The following FAF1 variants were observed in gnomAD, a reference collection of about 807,000 sequenced individuals.
The protein encoded by FAF1 is Fas associated factor 1, also known as FAS-associated factor 1.
Under a neutral mutation model 92.5 loss-of-function variants are expected in FAF1, and 25 were observed. The observed-to-expected ratio is 0.27, with a 90% CI of 0.20 to 0.38. The LOEUF is 0.38. FAF1 is among the 10% of genes least tolerant of loss of function. The pLI is 1.00. For missense variants in FAF1, 636 were observed against 793.3 expected (o/e 0.80, Z 2.38); for synonymous variants, 234 against 273.2 (o/e 0.86, Z 1.42).
chr1:50,844,006 A>C (rs923637289), intron 2 of FAF1, among the ~76,000 whole-genome samples: 4 of 152,150 alleles, frequency 2.6e-5, no homozygotes, highest in Non-Finnish European at 5.9e-5. Flanking sequence ...AACAGGGTTC[A>C]AGTGTTCCCC....
chr1:50,663,998 CTTTTTTTTTT>C (rs555597172), intron 7 of FAF1, among the ~76,000 whole-genome samples: 1 of 128,768 alleles, frequency 7.8e-6, no homozygotes, highest in Non-Finnish European at 1.6e-5. Context: ...ATCTGTTAAT[CTTTTTTTTTT>C]TTTTTTTTTA....
rs1403550926 is a variant in FAF1 at position 50,692,241 on chromosome 1, C to CTCTGTG, written c.657+13544_657+13545insCACAGA. ...ACATATCCAGCACTTGAAGTATTTA[C>CTCTGTG]TGTGTGTGTGTGTGTGTGTGTGTGT... On this transcript the variant is annotated intron_variant, in intron 7 of 18. Transcript: ENST00000396153. Among the ~76,000 whole-genome samples, 194 of 129,080 alleles carry CTCTGTG rather than the reference C, an allele frequency of 1.5e-3. 1 individual carries two copies. The highest frequency in any genetic ancestry group is 5.2e-3 in the African/African-American group (179 of 34,696). 84.7% of individuals were successfully genotyped at this position (129,080 alleles called of 152,430 possible).
chr1:50,459,337 C>T (rs1646396931), intron 18 of FAF1, among the ~76,000 whole-genome samples: 1 of 152,150 alleles, frequency 6.6e-6, no homozygotes, highest in Admixed American at 6.5e-5. Context: ...CAAATCTGCT[C>T]CAGTCACTGC....
chr1:50,717,883 T>G (rs1658241572), intron 6 of FAF1, among the ~76,000 whole-genome samples: 1 of 152,166 alleles, frequency 6.6e-6, no homozygotes, highest in Non-Finnish European at 1.5e-5. Context: ...ATATGAATTA[T>G]AACTCCATAA....
intron 8 of FAF1, among the ~76,000 whole-genome samples, chr1:50,653,731 C>T (rs985676234): frequency 3.9e-5 from 6 of 152,008 alleles, no homozygotes; most frequent in African/African-American, 9.7e-5. Context: ...CCGGGTGTGG[C>T]GGCAGGCGCC....
chr1:50,646,418 C>T (rs1169080880), intron 8 of FAF1, among the ~76,000 whole-genome samples: 6 of 152,278 alleles, frequency 3.9e-5, no homozygotes, highest in Admixed American at 3.3e-4. Context: ...TCATACAAAT[C>T]GATCCTTTAG....
At chr1:50,757,731 A>T (rs537196194) in intron 4 of FAF1, among the ~76,000 whole-genome samples, 1 of 152,158 alleles carries the variant, frequency 6.6e-6, no homozygotes, top group East Asian at 1.9e-4. Flanking sequence ...ATAACATGAG[A>T]TCATTTATAT....
At chr1:50,554,390 T>TAGAGAGAGAGAGAG (rs34360366) in intron 13 of FAF1, among the ~76,000 whole-genome samples, 39 of 93,620 alleles carry the variant, frequency 4.2e-4, no homozygotes, top group African/African-American at 5.2e-4. Flanking sequence ...TATATATATA[T>TAGAGAGAGAGAGAG]AGAGAGAGAG....
chr1:50,875,475 CAG>C (rs1330954559), intron 1 of FAF1, among the ~76,000 whole-genome samples: 1 of 151,770 alleles, frequency 6.6e-6, no homozygotes, highest in Non-Finnish European at 1.5e-5. Context: ...TTTTCTGAGA[CAG>C]GGTCTTACTC....
chr1:50,923,452 A>G (rs530396759), intron 1 of FAF1, among the ~76,000 whole-genome samples: 10 of 152,248 alleles, frequency 6.6e-5, no homozygotes, highest in Admixed American at 1.3e-4. Flanking sequence ...AAACTTCCAA[A>G]AAAGAGAAGC....
intron 7 of FAF1, among the ~76,000 whole-genome samples, chr1:50,692,171 G>A (rs1314847310): frequency 2.6e-5 from 4 of 151,688 alleles, no homozygotes; most frequent in Non-Finnish European, 2.9e-5. Flanking sequence ...AGCCTTGATT[G>A]TGCCACTGCA....
At chr1:50,759,153 T>A (rs538985414) in intron 4 of FAF1, among the ~76,000 whole-genome samples, 58 of 152,278 alleles carry the variant, frequency 3.8e-4, no homozygotes, top group East Asian at 3.7e-3. Flanking sequence ...TTAATTTTTT[T>A]AAAATTATTA....
intron 2 of FAF1, among the ~76,000 whole-genome samples, chr1:50,801,997 G>C (rs1662009468): frequency 6.6e-6 from 1 of 152,058 alleles, no homozygotes; most frequent in Admixed American, 6.5e-5. Context: ...GGAAAAATCA[G>C]TAACTTCATC....
intron 2 of FAF1, among the ~76,000 whole-genome samples, chr1:50,856,374 C>T (rs532050838): frequency 6.1e-4 from 93 of 151,900 alleles, no homozygotes; most frequent in African/African-American, 2.1e-3. Flanking sequence ...AGCATCGTTT[C>T]GATTAAGCCA....
chr1:50,776,679 C>CAA (rs111677187), intron 4 of FAF1, among the ~76,000 whole-genome samples: 6 of 139,990 alleles, frequency 4.3e-5, no homozygotes, highest in East Asian at 4.1e-4. Flanking sequence ...TTTCTTAAAA[C>CAA]AAAAAAAAAA....
At position 50,689,355 on chromosome 1, in the gene FAF1, C is replaced by T. The variant is rs191577953; in HGVS notation, c.657+16431G>A. On this transcript the variant is annotated intron_variant, in intron 7 of 18. Coordinates refer to ENST00000396153, the MANE Select transcript of FAF1 (RefSeq NM_007051.3). Reference sequence around the variant, plus strand: ...ATCCCAGCACTTTCAGAGGCCGAGGCGGGTGGATCACGAGGTCAGGAGATA... The same window carrying T: ...ATCCCAGCACTTTCAGAGGCCGAGGTGGGTGGATCACGAGGTCAGGAGATA... Among the ~76,000 whole-genome samples the T allele has an allele frequency of 2.4e-3, 368 of 152,164 alleles. 2 individuals are homozygous for T. The highest frequency in any genetic ancestry group is 4.4e-3 in the Non-Finnish European group (302 of 68,004).
intron 2 of FAF1, among the ~76,000 whole-genome samples, chr1:50,825,903 T>C (rs1644092519): frequency 6.6e-6 from 1 of 152,116 alleles, no homozygotes; most frequent in Non-Finnish European, 1.5e-5. Flanking sequence ...AATCAAGCAG[T>C]ATACCTCAAA....
chr1:50,555,246 G>GACAC (rs149689584), intron 13 of FAF1, among the ~76,000 whole-genome samples: 2 of 143,222 alleles, frequency 1.4e-5, no homozygotes, highest in African/African-American at 2.6e-5. Context: ...CCAGGACCCT[G>GACAC]ACACACACAC....
rs186462002 is a variant in FAF1 at position 50,477,902 on chromosome 1, T to C, written c.1654-2223A>G. Among the ~76,000 whole-genome samples the C allele has an allele frequency of 3.3e-5, 5 of 152,346 alleles. No individual in the cohort carries two copies. The East Asian group carries it at 5.8e-4, about 18-fold the overall frequency. On this transcript the variant is annotated intron_variant, in intron 17 of 18. Transcript: ENST00000396153. The stretch of plus-strand genomic sequence containing the variant: ...ATATATGTAAAAGTGCTTAGTATGA[T>C]TGTAGGCACGTACTAGGTGTTCAAT...
Sources: allele counts gnomAD v4.1 joint callset (sites outside exome capture counted in the v4.1 genomes callset), GRCh38; gene constraint gnomAD v4.1.1; transcripts MANE v1.5; gene names NCBI Gene and HGNC (gene_info 2026-07-23, HGNC 2026-07-21).